Variants in FBN3 observed in about 807,000 individuals in gnomAD.
FBN3 encodes the protein fibrillin 3, also known as fibrillin-3.
In FBN3, 234 loss-of-function variants were observed where a neutral mutation model predicts 330.1. The observed-to-expected ratio is 0.71, with a 90% CI of 0.64 to 0.79. The LOEUF (loss-of-function observed/expected upper bound fraction) is 0.79, where lower values mean the gene tolerates loss of function less well. Ranked by LOEUF, FBN3 falls within the 30% of genes least tolerant of loss-of-function variation. The pLI is 0.00. For synonymous variants in FBN3, 1,458 were observed against 1,517.3 expected (o/e 0.96, Z 0.91); for missense variants, 3,606 against 3,886.9 (o/e 0.93, Z 1.92).
At position 8,126,853 on chromosome 19, in the gene FBN3, C is replaced by T. The variant is rs1267147532; in HGVS notation, c.2297-21G>A. 4 of 1,531,734 alleles carry T rather than the reference C, an allele frequency of 2.6e-6. No homozygotes were observed. The African/African-American group carries it at 5.5e-5, about 21-fold the overall frequency. The allele number at this position is 1,531,734 out of a possible 1,614,324, so 94.9% of individuals were successfully genotyped here. A position where few individuals can be genotyped will look rare whatever the true frequency, so the allele number is the denominator to read the frequency against. ...GACATCTGTGGGGACAGCCCCCCAC[C>T]AGGTCCTGAGCTGCAGGAGGAGTTG... On this transcript the variant is annotated intron_variant, in intron 18 of 63. Coordinates refer to ENST00000600128, the MANE Select transcript of FBN3 (RefSeq NM_032447.5).
intron 4 of FBN3, 39 bp downstream of exon 4, chr19:8,146,088 A>C: frequency 6.5e-7 from 1 of 1,548,452 alleles, no homozygotes; most frequent in South Asian, 1.2e-5. Flanking sequence ...AACCCTGTGA[A>C]CTTCTTCTCC....
At chr19:8,145,775 G>A in intron 5 of FBN3, 68 bp downstream of exon 5, 6 of 1,246,558 alleles carry the variant, frequency 4.8e-6, no homozygotes, top group Non-Finnish European at 5.7e-6. Context: ...GCAGGTGGCA[G>A]CAGAGACTAA....
intron 31 of FBN3, 55 bp from the exon 32 acceptor site, chr19:8,111,825 G>A (rs905615081): frequency 2.5e-4 from 392 of 1,590,098 alleles, no homozygotes; most frequent in Non-Finnish European, 3.2e-4. Context: ...TTGGGTGGGC[G>A]CAGAAGGGAG....
intron 54 of FBN3, 126 bp downstream of exon 54, chr19:8,086,951 T>A: frequency 8.3e-7 from 1 of 1,197,808 alleles, no homozygotes; most frequent in Non-Finnish European, 1.1e-6. Context: ...AGCGATCCTC[T>A]CGCCTCAGCC....
chr19:8,111,936 C>A, intron 31 of FBN3, 41 bp downstream of exon 31: 1 of 966,656 alleles, frequency 1.0e-6, no homozygotes, highest in South Asian at 1.4e-5. Flanking sequence ...CCCCACCTAC[C>A]TCTACTGCTT....
At position 8,138,576 on chromosome 19, in the gene FBN3, C is replaced by T; in HGVS notation, c.866-12G>A. The T allele has an allele frequency of 6.3e-7, 1 of 1,595,984 alleles. No homozygotes were observed. The highest frequency in any genetic ancestry group is 8.5e-7 in the Non-Finnish European group (1 of 1,172,964). On this transcript the variant is annotated splice_polypyrimidine_tract_variant and intron_variant, in intron 8 of 63. Coordinates refer to ENST00000600128, the MANE Select transcript of FBN3 (RefSeq NM_032447.5). ...GCCGGCCCGGTAGTCTGCAAAAGAT[C>T]AGAGGGTGAGCCCATGAGCACAGGA...
chr19:8,136,145 GA>G lies in FBN3; in HGVS notation c.1465+44del, dbSNP rs200440094. 8,347 of 1,613,112 alleles carry G rather than the reference GA, an allele frequency of 5.2e-3. 327 individuals are homozygous for G. The African/African-American group carries it at 0.094, about 18-fold the overall frequency. On this transcript the variant is annotated intron_variant, in intron 12 of 63. Transcript: ENST00000600128. ...CTCCCCACCCTCCAAGCCTGGGCCAGAACCCCCAACAACATCACCCCTACTC... is the reference window on the plus strand; with the variant it reads ...CTCCCCACCCTCCAAGCCTGGGCCAGACCCCCAACAACATCACCCCTACTC...
rs774203961 is a variant in FBN3, at chr19:8,147,318, G to C, written c.163C>G (p.Gln55Glu). ...AGCATCCCAGGTACCACGCACCCCT[G>C]CAAGATGCCTGGGCTGCCCCGCCTC... ...VRRRGSPGIL[Q>E]GPNVCGSRFH... Residue 55 changes from glutamine to glutamate, a missense_variant, in exon 2 of 64, where the codon CAG (glutamine) becomes GAG (glutamate). By Grantham distance (29) the Gln-to-Glu change is conservative. Coordinates refer to ENST00000600128, the MANE Select transcript of FBN3 (RefSeq NM_032447.5). The C allele has an allele frequency of 2.9e-5, 46 of 1,595,998 alleles. No individual in the cohort carries two copies. The Admixed American group carries it at 7.8e-4, about 27-fold the overall frequency.
chr19:8,097,218 C>A, intron 42 of FBN3, 71 bp downstream of exon 42: 2 of 1,549,906 alleles, frequency 1.3e-6, no homozygotes, highest in Admixed American at 1.8e-5. Context: ...TTTAGTTACT[C>A]GCCCAGATTG....
Position 8,123,452 on chromosome 19 carries a change from G to A in FBN3, c.3082+12C>T. ...GATCACGCTCTCTCCAAGAGGCAGA[G>A]GTGGCACCTACCTGTGCAGTTCCGT... is the stretch of plus-strand genomic sequence containing the variant. On this transcript the variant is annotated intron_variant, in intron 24 of 63. Coordinates refer to ENST00000600128, the MANE Select transcript of FBN3 (RefSeq NM_032447.5). 3.1e-6 allele frequency: 5 copies of A among 1,612,916 alleles called. No individual in the cohort carries two copies. Among genetic ancestry groups the A allele is most frequent in the Non-Finnish European group, 4.2e-6 (5 of 1,179,248 alleles).
Position 8,085,350 on chromosome 19 carries a change from C to T in FBN3, c.7087+13G>A, listed in dbSNP as rs1370746800. ...CTTGCCTCCCTGGGGGTCCTGAGGGCATGGGCACCCACCTCGGCCCTCAGC... is the reference window on the plus strand; with the variant it reads ...CTTGCCTCCCTGGGGGTCCTGAGGGTATGGGCACCCACCTCGGCCCTCAGC... On this transcript the variant is annotated intron_variant, in intron 56 of 63. Transcript: ENST00000600128. 2 of 1,560,566 alleles carry T rather than the reference C, an allele frequency of 1.3e-6. No homozygotes were observed. Among genetic ancestry groups the T allele is most frequent in the Admixed American group, 2.0e-5 (1 of 49,804 alleles).
chr19:8,138,046 G>A (rs1178437212), intron 10 of FBN3, 95 bp downstream of exon 10: 2 of 1,377,056 alleles, frequency 1.5e-6, no homozygotes, highest in Non-Finnish European at 1.9e-6. Flanking sequence ...CCCTCTCTCT[G>A]AGGCCTGGAC....
In FBN3 at chr19:8,109,065, AGACGTACACTGTGT is replaced by A. The variant is rs2082514757; in HGVS notation, c.4618+148_4618+161del. ...GAGAGGCCCAGCCAATGAACTACCA[AGACGTACACTGTGT>A]GACCCAGGATGAGCCCCTCTCCTCC... On this transcript the variant is annotated intron_variant, in intron 36 of 63. Transcript: ENST00000600128. This position sits in a 1 kb window ranked among gnomAD's most constrained non-coding sequence, Gnocchi z 5.2. Among the ~76,000 whole-genome samples, 1 of 152,146 alleles carries A rather than the reference AGACGTACACTGTGT, an allele frequency of 6.6e-6. No homozygotes were observed. The highest frequency in any genetic ancestry group is 1.5e-5 in the Non-Finnish European group (1 of 68,030).
chr19:8,096,613 G>A lies in FBN3; in HGVS notation c.5414-44C>T, dbSNP rs984269512. The A allele has an allele frequency of 6.4e-7, 1 of 1,565,850 alleles. No individual in the cohort carries two copies. The highest frequency in any genetic ancestry group is 1.3e-5 in the African/African-American group (1 of 74,154). ...TGGTGTTCCCAGGGCTCCTACCACA[G>A]TGTTTGCCTGAGCTCTCCCTACTGC... On this transcript the variant is annotated intron_variant, in intron 43 of 63. Transcript: ENST00000600128. This position sits in a 1 kb window ranked among gnomAD's most constrained non-coding sequence, Gnocchi z 4.6.
intron 30 of FBN3, among the ~76,000 whole-genome samples, chr19:8,113,052 G>A (rs549382106): frequency 6.6e-6 from 1 of 152,234 alleles, no homozygotes; most frequent in Admixed American, 6.5e-5. Flanking sequence ...TGGAAACAGG[G>A]TCTTCGTAGA....
chr19:8,094,777 G>T (rs1028614187), intron 46 of FBN3, among the ~76,000 whole-genome samples: 1 of 152,076 alleles, frequency 6.6e-6, no homozygotes, highest in East Asian at 1.9e-4. Flanking sequence ...GTTATAGGTG[G>T]GGCAGATGGT....
chr19:8,083,033 T>C (rs188940863), intron 57 of FBN3, among the ~76,000 whole-genome samples: 3 of 152,246 alleles, frequency 2.0e-5, no homozygotes, highest in East Asian at 3.9e-4. Flanking sequence ...ACTCCTGGTC[T>C]CAAGTGATCC....
chr19:8,135,936 G>GGGGGGGGGGGGGGGGGGCGCCC, intron 13 of FBN3, 25 bp downstream of exon 13: 3 of 668,778 alleles, frequency 4.5e-6, no homozygotes, highest in Non-Finnish European at 7.2e-6. Context: ...GGAAGCCCCT[G>GGGGGGGGGGGGGGGGGGCGCCC]CCCACCCGCC....
intron 22 of FBN3, among the ~76,000 whole-genome samples, chr19:8,124,776 T>C (rs2082939751): frequency 6.6e-6 from 1 of 151,970 alleles, no homozygotes; most frequent in Non-Finnish European, 1.5e-5. Context: ...CCTCAAGCAA[T>C]CCACCTGCCT....
Sources: gnomAD v4.1 joint callset for allele counts (sites outside exome capture counted in the v4.1 genomes callset) on GRCh38, gnomAD v4.1.1 for gene constraint, Gnocchi (gnomAD v3.1) non-coding constraint, MANE v1.5 for transcripts, NCBI Gene and HGNC (gene_info 2026-07-23, HGNC 2026-07-21) for gene names.